ITPKB: variants seen among roughly 807,000 people sequenced by gnomAD.
ITPKB encodes the protein IP3 3-kinase B.
In ITPKB, 13 loss-of-function variants were observed where a neutral mutation model predicts 69.4. The ratio of observed to expected loss-of-function variants is 0.19; its 90% CI spans 0.12 to 0.30. The LOEUF (loss-of-function observed/expected upper bound fraction) is 0.30, where lower values mean the gene tolerates loss of function less well. Among genes scored for constraint, ITPKB ranks in the 10% least tolerant of loss-of-function variants. The pLI is 1.00. For missense variants in ITPKB, 1,240 were observed against 1,250.5 expected, an observed-to-expected ratio of 0.99 and a Z score of 0.13; for synonymous variants, 584 against 513.7, an observed-to-expected ratio of 1.14 and a Z score of -1.85.
In ITPKB at chr1:226,637,906, G is replaced by A. The variant is rs933868072; in HGVS notation, c.2554-156C>T. ...TTCCTGCGAGCAGGGCTGCTGTGGC[G>A]TCTTTCTCAGCATAAATGTCAGTAC... On this transcript the variant is annotated intron_variant, in intron 6 of 7. Coordinates refer to ENST00000429204, the MANE Select transcript of ITPKB (RefSeq NM_002221.4). The surrounding 1 kb of genome is among the most constrained non-coding windows in gnomAD (Gnocchi z 4.3). Among the ~76,000 whole-genome samples, 6 of 152,204 alleles carry A rather than the reference G, an allele frequency of 3.9e-5. No homozygotes were observed. The highest frequency in any genetic ancestry group is 1.2e-4 in the African/African-American group (5 of 41,446).
intron 2 of ITPKB, among the ~76,000 whole-genome samples, chr1:226,656,267 G>A (rs2102752780): frequency 6.6e-6 from 1 of 152,318 alleles, no homozygotes; most frequent in Non-Finnish European, 1.5e-5. Flanking sequence ...CAGGTTTCCT[G>A]AGTGCCTGGC....
At chr1:226,701,732 T>C (rs968245755) in intron 2 of ITPKB, among the ~76,000 whole-genome samples, 1 of 144,482 alleles carries the variant, frequency 6.9e-6, no homozygotes, top group African/African-American at 2.6e-5. Context: ...GTAGGAGGGG[T>C]GGGACAGTCT....
chr1:226,668,588 T>A (rs1444842558), intron 2 of ITPKB, among the ~76,000 whole-genome samples: 1 of 152,260 alleles, frequency 6.6e-6, no homozygotes, highest in East Asian at 1.9e-4. Flanking sequence ...CCTGAAGAAC[T>A]GAAGAACAGG....
intron 4 of ITPKB, among the ~76,000 whole-genome samples, chr1:226,644,642 A>T (rs942264274): frequency 1.3e-5 from 2 of 152,186 alleles, no homozygotes; most frequent in Non-Finnish European, 2.9e-5. Flanking sequence ...CGCCACCAGC[A>T]ACTGCATCAC....
chr1:226,684,120 C>G (rs1389691296), intron 2 of ITPKB, among the ~76,000 whole-genome samples: 1 of 152,168 alleles, frequency 6.6e-6, no homozygotes, highest in Non-Finnish European at 1.5e-5. Flanking sequence ...TTCTCTCCCA[C>G]CAAGAATTCT....
chr1:226,726,653 G>A (rs1477375601), intron 2 of ITPKB, among the ~76,000 whole-genome samples: 1 of 152,128 alleles, frequency 6.6e-6, no homozygotes, highest in African/African-American at 2.4e-5. Context: ...TCCTGCCTGG[G>A]CGACAGAGTG....
intron 2 of ITPKB, among the ~76,000 whole-genome samples, chr1:226,729,182 G>A (rs1571879018): frequency 1.3e-5 from 2 of 152,184 alleles, no homozygotes; most frequent in Admixed American, 1.3e-4. Flanking sequence ...TCTGTAAAAT[G>A]TGGATATTAA....
chr1:226,645,203 T>C (rs1397734285), intron 4 of ITPKB, among the ~76,000 whole-genome samples: 1 of 152,190 alleles, frequency 6.6e-6, no homozygotes, highest in Non-Finnish European at 1.5e-5. Flanking sequence ...GAAGGGTCCT[T>C]AGGATTTGTG....
intron 2 of ITPKB, among the ~76,000 whole-genome samples, chr1:226,700,938 T>A (rs1023462174): frequency 2.6e-5 from 4 of 152,254 alleles, no homozygotes; most frequent in African/African-American, 9.6e-5. Flanking sequence ...CAGCTTTTGC[T>A]TTGACTCTGG....
chr1:226,721,907 G>A lies in ITPKB; in HGVS notation c.1932+13620C>T, dbSNP rs530705859. On this transcript the variant is annotated intron_variant, in intron 2 of 7. Coordinates refer to ENST00000429204, the MANE Select transcript of ITPKB (RefSeq NM_002221.4). ...GGGCTCATTGCAACTCCCGCCTCCC[G>A]GGTTCAAGCGATTCTCCTGCCTCAG... 3.5e-4 allele frequency among the ~76,000 whole-genome samples: 52 copies of A among 149,450 alleles called. 2 individuals carry two copies. The East Asian group carries it at 8.2e-3, about 24-fold the overall frequency.
chr1:226,736,598 G>C lies in ITPKB; in HGVS notation c.861C>G (p.Ser287Arg). ...KRGSPTPGTR[S>R]CLAPSLGLFG... ...ACAGCCCCAATGAGGGAGCTAGGCAGCTCCGAGTTCCCGGGGTAGGAGAGC... is the reference window on the plus strand; with the variant it reads ...ACAGCCCCAATGAGGGAGCTAGGCACCTCCGAGTTCCCGGGGTAGGAGAGC... Residue 287 changes from serine (S) to arginine (R), a missense_variant, in exon 2 of 8, where the codon AGC becomes AGG. Around this residue, in one of 2 missense-constraint regions of ITPKB, gnomAD observed 992 missense variants for 853.8 expected, o/e 1.16. Transcript: ENST00000429204. The C allele has an allele frequency of 6.2e-7, 1 of 1,613,866 alleles. No individual in the cohort carries two copies. Among genetic ancestry groups the C allele is most frequent in the South Asian group, 1.1e-5 (1 of 91,090 alleles).
At chr1:226,654,320 G>A (rs1389553495) in intron 2 of ITPKB, among the ~76,000 whole-genome samples, 1 of 152,194 alleles carries the variant, frequency 6.6e-6, no homozygotes, top group East Asian at 1.9e-4. Flanking sequence ...GCAGACAGCA[G>A]CCACATTCCC....
At chr1:226,649,280 T>TGTGTGTGTGC (rs1491535203) in intron 2 of ITPKB, among the ~76,000 whole-genome samples, 3 of 150,128 alleles carry the variant, frequency 2.0e-5, no homozygotes, top group African/African-American at 5.0e-5. Context: ...GGAGTGTGCA[T>TGTGTGTGTGC]GTGTGTGTGC....
At chr1:226,728,713 G>A (rs925711019) in intron 2 of ITPKB, among the ~76,000 whole-genome samples, 1 of 152,304 alleles carries the variant, frequency 6.6e-6, no homozygotes, top group East Asian at 1.9e-4. Context: ...CAGGTACAGT[G>A]CTAGGCACTT....
intron 2 of ITPKB, among the ~76,000 whole-genome samples, chr1:226,700,425 C>T (rs974577238): frequency 3.6e-5 from 5 of 137,840 alleles, no homozygotes; most frequent in Non-Finnish European, 6.0e-5. Flanking sequence ...GCCCAGATCA[C>T]GCCACGGCAC....
At chr1:226,674,871 A>T (rs2102769324) in intron 2 of ITPKB, 1 of 152,308 alleles carries the variant, frequency 6.6e-6, no homozygotes, top group African/African-American at 2.4e-5. Context: ...TGAGGCTGTG[A>T]GCTTCCTGTT....
chr1:226,701,603 C>CAAAAAA (rs58756019), intron 2 of ITPKB, among the ~76,000 whole-genome samples: 3 of 44,870 alleles, frequency 6.7e-5, no homozygotes, highest in Non-Finnish European at 1.3e-4. Flanking sequence ...GACTCCGTCT[C>CAAAAAA]AAAAAAAAAA....
intron 2 of ITPKB, among the ~76,000 whole-genome samples, chr1:226,716,453 G>T (rs1657098703): frequency 6.6e-6 from 1 of 152,020 alleles, no homozygotes; most frequent in Admixed American, 6.6e-5. Flanking sequence ...TATGCAGGAT[G>T]TGCAGTTTTG....
intron 2 of ITPKB, among the ~76,000 whole-genome samples, chr1:226,695,710 C>T (rs371157415): frequency 2.6e-4 from 40 of 152,158 alleles, no homozygotes; most frequent in Non-Finnish European, 3.8e-4. Context: ...CTCTGGCAGC[C>T]GCAGCAAGAG....
Sources: allele counts gnomAD v4.1 joint callset (sites outside exome capture counted in the v4.1 genomes callset), GRCh38; gene constraint gnomAD v4.1.1; regional missense constraint gnomAD v4.1.1; non-coding constraint Gnocchi (gnomAD v3.1); transcripts MANE v1.5; gene names NCBI Gene and HGNC (gene_info 2026-07-23, HGNC 2026-07-21).